Variants in MKLN1 observed in about 807,000 individuals in gnomAD.
The protein encoded by MKLN1 is muskelin 1.
A neutral mutation model predicts 99.0 loss-of-function variants in MKLN1; 18 were observed. The ratio of observed to expected loss-of-function variants is 0.18; its 90% CI spans 0.13 to 0.27. The LOEUF (loss-of-function observed/expected upper bound fraction) is 0.27. Ranked by LOEUF, MKLN1 falls within the 10% of genes least tolerant of loss-of-function variation. The pLI is 1.00. For synonymous variants in MKLN1, 288 were observed against 293.2 expected (o/e 0.98, Z 0.18); for missense variants, 621 against 875.9 (o/e 0.71, Z 3.67).
intron 3 of MKLN1, among the ~76,000 whole-genome samples, chr7:131,267,051 G>A (rs1032876091): frequency 6.6e-6 from 1 of 151,916 alleles, no homozygotes; most frequent in Non-Finnish European, 1.5e-5. Context: ...GAGACTTTCC[G>A]GCTGGGCGTG....
intron 14 of MKLN1, among the ~76,000 whole-genome samples, chr7:131,464,751 C>T (rs540712827): frequency 9.1e-4 from 138 of 152,218 alleles, no homozygotes; most frequent in Non-Finnish European, 1.8e-3. Context: ...TACCTTGTTC[C>T]GTGATATAAC....
intron 17 of MKLN1, among the ~76,000 whole-genome samples, chr7:131,480,976 C>A (rs989266132): frequency 3.9e-5 from 6 of 152,202 alleles, no homozygotes; most frequent in African/African-American, 1.2e-4. Context: ...AGCTTAACTC[C>A]TTTCTTTTGA....
At chr7:131,266,763 A>C (rs560008485) in intron 3 of MKLN1, among the ~76,000 whole-genome samples, 2 of 151,856 alleles carry the variant, frequency 1.3e-5, no homozygotes, top group African/African-American at 2.4e-5. Context: ...CATTTTCTTA[A>C]GCTTGCCTAT....
chr7:131,446,406 C>T (rs1275590415), intron 12 of MKLN1, among the ~76,000 whole-genome samples: 1 of 152,120 alleles, frequency 6.6e-6, no homozygotes, highest in Non-Finnish European at 1.5e-5. Flanking sequence ...TAATAGTGCT[C>T]CATTCATTTT....
intron 1 of MKLN1, among the ~76,000 whole-genome samples, chr7:131,359,890 C>G (rs952585493): frequency 2.0e-5 from 3 of 152,006 alleles, no homozygotes; most frequent in African/African-American, 7.2e-5. Context: ...TGCACCACCA[C>G]GCCTAGCTAA....
intron 12 of MKLN1, among the ~76,000 whole-genome samples, chr7:131,448,120 C>T (rs967466452): frequency 3.3e-5 from 5 of 151,994 alleles, no homozygotes; most frequent in South Asian, 2.1e-4. Flanking sequence ...CCCAGCTACT[C>T]GGGAGGCTGA....
At chr7:131,309,894 T>C (rs1798534976) in intron 3 of MKLN1, 1 of 151,134 alleles carries the variant, frequency 6.6e-6, no homozygotes. Context: ...CCCGGCTAAT[T>C]TTTTGTATTT....
intron 13 of MKLN1, 135 bp downstream of exon 13, chr7:131,463,499 A>C: frequency 1.1e-6 from 1 of 901,220 alleles, no homozygotes; most frequent in Non-Finnish European, 1.7e-6. Context: ...ATTGGAAAAA[A>C]ATCAATATCG....
At chr7:131,230,409 A>G (rs1797224441) in intron 3 of MKLN1, among the ~76,000 whole-genome samples, 1 of 152,200 alleles carries the variant, frequency 6.6e-6, no homozygotes, top group Non-Finnish European at 1.5e-5. Context: ...ATTGGTCACC[A>G]GAAGAAATCC....
intron 10 of MKLN1, among the ~76,000 whole-genome samples, chr7:131,439,219 T>C (rs914109849): frequency 4.6e-5 from 7 of 152,100 alleles, no homozygotes; most frequent in Non-Finnish European, 7.4e-5. Flanking sequence ...GCAGATAATA[T>C]TGTTAGGGAA....
intron 3 of MKLN1, among the ~76,000 whole-genome samples, chr7:131,318,522 C>T (rs1798711975): frequency 6.6e-6 from 1 of 152,092 alleles, no homozygotes; most frequent in African/African-American, 2.4e-5. Flanking sequence ...GAAATCGTCA[C>T]CCTAACATCA....
chr7:131,244,189 CGGGAATTTGCCGAAGAGCAGGT>C (rs1797451062), intron 3 of MKLN1, among the ~76,000 whole-genome samples: 1 of 152,148 alleles, frequency 6.6e-6, no homozygotes, highest in African/African-American at 2.4e-5. Context: ...AGTTAGTTTT[CGGGAATTTGCCGAAGAGCAGGT>C]GGGTGTCACT....
intron 1 of MKLN1, among the ~76,000 whole-genome samples, chr7:131,127,687 T>C (rs755663114): frequency 6.6e-6 from 1 of 152,198 alleles, no homozygotes; most frequent in Non-Finnish European, 1.5e-5. Flanking sequence ...GAACTGTGCC[T>C]GGAGCATAGT....
intron 2 of MKLN1, among the ~76,000 whole-genome samples, chr7:131,192,920 C>T (rs1796589420): frequency 6.6e-6 from 1 of 152,030 alleles, no homozygotes; most frequent in African/African-American, 2.4e-5. Context: ...GTGGTTACTA[C>T]TACCCAAAGT....
chr7:131,394,769 C>G (rs1794307251), intron 4 of MKLN1, among the ~76,000 whole-genome samples: 2 of 152,018 alleles, frequency 1.3e-5, no homozygotes, highest in South Asian at 4.1e-4. Context: ...TTCATCAAAA[C>G]TCTACAAATG....
chr7:131,189,643 C>A (rs326233), intron 2 of MKLN1, among the ~76,000 whole-genome samples: 5,514 of 152,100 alleles, frequency 0.036, 326 homozygotes, highest in African/African-American at 0.13. Flanking sequence ...GCTTTGTTTG[C>A]AAGATGCCAG....
intron 3 of MKLN1, among the ~76,000 whole-genome samples, chr7:131,308,226 A>T (rs1292476192): frequency 6.9e-6 from 1 of 144,490 alleles, no homozygotes; most frequent in Non-Finnish European, 1.5e-5. Flanking sequence ...AGTCAATTAC[A>T]CCTCTTTTCT....
At chr7:131,399,754 A>G (rs552133460) in intron 6 of MKLN1, among the ~76,000 whole-genome samples, 1 of 152,338 alleles carries the variant, frequency 6.6e-6, no homozygotes, top group Non-Finnish European at 1.5e-5. Flanking sequence ...GCCAATATTC[A>G]TTAACAGTGT....
At chr7:131,147,389 G>A (rs546364194) in intron 2 of MKLN1, among the ~76,000 whole-genome samples, 13 of 152,020 alleles carry the variant, frequency 8.6e-5, no homozygotes, top group African/African-American at 2.7e-4. Context: ...GCTTCCACAT[G>A]TATGTTACTT....
Sources: gnomAD v4.1 joint callset for allele counts (sites outside exome capture counted in the v4.1 genomes callset) on GRCh38, gnomAD v4.1.1 for gene constraint, MANE v1.5 for transcripts, NCBI Gene and HGNC (gene_info 2026-07-23, HGNC 2026-07-21) for gene names.